Variants in DNAJC27 observed in about 807,000 individuals in gnomAD.
The protein encoded by DNAJC27 is DnaJ heat shock protein family (Hsp40) member C27.
Under a neutral mutation model 31.4 loss-of-function variants are expected in DNAJC27, and 25 were observed. That is an observed-to-expected ratio of 0.80 (90% CI 0.58 to 1.11). The LOEUF (loss-of-function observed/expected upper bound fraction) is 1.11, where lower values mean the gene tolerates loss of function less well. Ranked by LOEUF, DNAJC27 falls within the 50% of genes most tolerant of loss-of-function variation. The pLI is 0.00. For missense variants in DNAJC27, 356 were observed against 347.3 expected (o/e 1.02, Z -0.20); for synonymous variants, 106 against 112.7 (o/e 0.94, Z 0.37).
chr2:24,963,310 C>T, intron 3 of DNAJC27, 95 bp downstream of exon 3: 1 of 952,308 alleles, frequency 1.1e-6, no homozygotes, highest in South Asian at 1.7e-5. Context: ...CAATTTTACA[C>T]ATGATATCAA....
intron 2 of DNAJC27, among the ~76,000 whole-genome samples, chr2:24,966,413 T>TCTCCAGATAAATCCCCA (rs1666182947): frequency 6.6e-6 from 1 of 152,142 alleles, no homozygotes. Context: ...TCCTGACTCA[T>TCTCCAGATAAATCCCCA]CTCCAGATAA....
At chr2:24,948,196 C>T (rs764094933) in intron 6 of DNAJC27, among the ~76,000 whole-genome samples, 1 of 152,110 alleles carries the variant, frequency 6.6e-6, no homozygotes, top group Non-Finnish European at 1.5e-5. Context: ...AAAACAACCC[C>T]AACACCTGGG....
chr2:24,967,433 G>A, intron 1 of DNAJC27, 140 bp from the exon 2 acceptor site: 1 of 657,152 alleles, frequency 1.5e-6, no homozygotes, highest in Non-Finnish European at 2.6e-6. Context: ...GGGCGCGGTG[G>A]CTCACGCCTG....
At chr2:24,964,628 C>A (rs1666132689) in intron 2 of DNAJC27, among the ~76,000 whole-genome samples, 1 of 152,144 alleles carries the variant, frequency 6.6e-6, no homozygotes, top group Middle Eastern at 3.4e-3. Flanking sequence ...TATCCATTTT[C>A]TTTTATTTTG....
chr2:24,970,060 C>T (rs75603612), intron 1 of DNAJC27, among the ~76,000 whole-genome samples: 3,114 of 152,232 alleles, frequency 0.02, 97 homozygotes, highest in African/African-American at 0.071. Context: ...GAGTTTGAAA[C>T]TTGTCTTCAT....
At chr2:24,953,998 A>G (rs1042739334) in intron 5 of DNAJC27, among the ~76,000 whole-genome samples, 1 of 152,024 alleles carries the variant, frequency 6.6e-6, no homozygotes, top group African/African-American at 2.4e-5. Flanking sequence ...CCCCCCAATC[A>G]CCTGGTTGTC....
chr2:24,967,745 T>C (rs1389702664), intron 1 of DNAJC27, among the ~76,000 whole-genome samples: 2 of 151,752 alleles, frequency 1.3e-5, no homozygotes. Flanking sequence ...GAAACAAGTG[T>C]TAAAAGATTT....
chr2:24,968,135 T>C (rs1371561069), intron 1 of DNAJC27, among the ~76,000 whole-genome samples: 5 of 152,194 alleles, frequency 3.3e-5, no homozygotes, highest in South Asian at 2.1e-4. Flanking sequence ...TCACAGAGTA[T>C]TGTACATACT....
chr2:24,963,584 C>A, intron 2 of DNAJC27, 110 bp from the exon 3 acceptor site: 1 of 746,870 alleles, frequency 1.3e-6, no homozygotes, highest in Non-Finnish European at 2.1e-6. Context: ...AAGAAGCTTT[C>A]TTAGTGCCTC....
At chr2:24,959,047 G>A (rs1665979143) in intron 3 of DNAJC27, among the ~76,000 whole-genome samples, 1 of 152,188 alleles carries the variant, frequency 6.6e-6, no homozygotes, top group Non-Finnish European at 1.5e-5. Context: ...AGAAACCTAA[G>A]AAGCTATCCC....
At chr2:24,949,487 G>A (rs1464277658) in intron 6 of DNAJC27, among the ~76,000 whole-genome samples, 3 of 152,204 alleles carry the variant, frequency 2.0e-5, no homozygotes, top group South Asian at 2.1e-4. Context: ...CGTTGAAGAC[G>A]AAGATTTTCT....
Position 24,968,567 on chromosome 2 carries a change from G to C in DNAJC27, c.88-1274C>G, listed in dbSNP as rs1666246854. 2.0e-5 allele frequency among the ~76,000 whole-genome samples: 3 copies of C among 151,320 alleles called. No individual in the cohort carries two copies. In the South Asian group the frequency reaches 6.2e-4, roughly 31 times the overall value. ...TCACCATGTTGGCCAGGATGGTCTC[G>C]ATCTGACCCCGTGAACCGCCCGCCT... On this transcript the variant is annotated intron_variant, in intron 1 of 6. Coordinates refer to ENST00000264711, the MANE Select transcript of DNAJC27 (RefSeq NM_016544.3).
At chr2:24,953,307 T>C (rs1665827352) in intron 5 of DNAJC27, among the ~76,000 whole-genome samples, 1 of 152,312 alleles carries the variant, frequency 6.6e-6, no homozygotes. Flanking sequence ...CTAATCAACT[T>C]GGTAACCTAA....
In DNAJC27 at chr2:24,947,404, G is replaced by A; in HGVS notation, c.*212C>T. 1 of 501,860 alleles carries A rather than the reference G, an allele frequency of 2.0e-6. No individual in the cohort carries two copies. Among genetic ancestry groups the A allele is most frequent in the Non-Finnish European group, 3.5e-6 (1 of 285,638 alleles). The allele number at this position is 501,860 out of a possible 1,614,324, so 31.1% of individuals were successfully genotyped here. On this transcript the variant is annotated 3_prime_UTR_variant, in exon 7 of 7. Coordinates refer to ENST00000264711, the MANE Select transcript of DNAJC27 (RefSeq NM_016544.3). ...ATCTAGAAATATGAAATGAAGTACAGGGTGTGACGCTCAGTTCACTTCATA... is the reference window on the plus strand; with the variant it reads ...ATCTAGAAATATGAAATGAAGTACAAGGTGTGACGCTCAGTTCACTTCATA...
intron 3 of DNAJC27, among the ~76,000 whole-genome samples, chr2:24,961,847 T>C (rs1366124858): frequency 1.3e-5 from 2 of 152,208 alleles, no homozygotes; most frequent in Admixed American, 6.5e-5. Flanking sequence ...CTAGTGAAGA[T>C]GCTATGAACA....
intron 4 of DNAJC27, 115 bp from the exon 5 acceptor site, chr2:24,957,280 C>G: frequency 8.6e-7 from 1 of 1,162,868 alleles, no homozygotes; most frequent in Non-Finnish European, 1.2e-6. Context: ...TTAGTAAATG[C>G]CTGCACTAGT....
rs765039220 is a variant in DNAJC27 at position 24,950,096 on chromosome 2, GA to G, written c.689+1297del. ...ACAATAAACCAAAGAGTATAGCACT[GA>G]AAAAAAAAAAAAGATCCCGATAAAC... On this transcript the variant is annotated intron_variant, in intron 6 of 6. Transcript: ENST00000264711. Among the ~76,000 whole-genome samples, 528 of 131,864 alleles carry G rather than the reference GA, an allele frequency of 4.0e-3. 1 individual carries two copies. Among genetic ancestry groups the G allele is most frequent in the Middle Eastern group, 0.015 (3 of 196 alleles). 86.5% of individuals were successfully genotyped at this position (131,864 alleles called of 152,430 possible). A position where few individuals can be genotyped will look rare whatever the true frequency, so the allele number is the denominator to read the frequency against.
chr2:24,967,939 C>G (rs1666230184), intron 1 of DNAJC27, among the ~76,000 whole-genome samples: 1 of 148,976 alleles, frequency 6.7e-6, no homozygotes, highest in African/African-American at 2.5e-5. Context: ...CTCTAAATAT[C>G]TATTAGATTA....
At position 24,967,214 on chromosome 2, in the gene DNAJC27, G is replaced by C. The variant is rs1417446568; in HGVS notation, c.167C>G (p.Thr56Arg). Residue 56 changes from threonine (T) to arginine (R), a missense_variant, in exon 2 of 7, where the codon ACA becomes AGA. Thr to Arg is a moderately conservative substitution (Grantham distance 71, BLOSUM62 -1). Coordinates refer to ENST00000264711, the MANE Select transcript of DNAJC27 (RefSeq NM_016544.3). ...LATIGIDYGV[T>R]KVHVRDREIK... ...CCCAGGGAAACAATATACTTACTTT[G>C]TGACTCCATAGTCAATTCCAATTGT... The C allele has an allele frequency of 6.2e-7, 1 of 1,611,780 alleles. No homozygotes were observed. Among genetic ancestry groups the C allele is most frequent in the Non-Finnish European group, 8.5e-7 (1 of 1,178,166 alleles).
Sources: allele counts gnomAD v4.1 joint callset (sites outside exome capture counted in the v4.1 genomes callset), GRCh38; gene constraint gnomAD v4.1.1; transcripts MANE v1.5; gene names NCBI Gene and HGNC (gene_info 2026-07-23, HGNC 2026-07-21).